The following TTC39C variants were observed in gnomAD, a reference collection of about 807,000 sequenced individuals.
TTC39C encodes tetratricopeptide repeat protein 39C.
A neutral mutation model predicts 76.3 loss-of-function variants in TTC39C; 33 were observed. That is an observed-to-expected ratio of 0.43 (90% CI 0.33 to 0.58). The LOEUF is 0.58. Among genes scored for constraint, TTC39C ranks in the 20% least tolerant of loss-of-function variants. The pLI, the probability that TTC39C is intolerant of heterozygous loss-of-function variation, is 0.04. For missense variants in TTC39C, 595 were observed against 701.4 expected (o/e 0.85, Z 1.71); for synonymous variants, 254 against 260.6 (o/e 0.97, Z 0.24).
chr18:24,124,049 T>G (rs890434116), intron 9 of TTC39C, 106 bp downstream of exon 9: 13 of 768,646 alleles, frequency 1.7e-5, no homozygotes, highest in Non-Finnish European at 2.7e-5. Flanking sequence ...CCTATTTACT[T>G]GCCACATAAA....
chr18:23,998,120 C>T (rs2083283898), intron 1 of TTC39C, among the ~76,000 whole-genome samples: 1 of 152,148 alleles, frequency 6.6e-6, no homozygotes, highest in African/African-American at 2.4e-5. Context: ...TCCTCTTGTT[C>T]TTATAACAAG....
At chr18:24,039,814 G>T (rs2083770764) in intron 1 of TTC39C, among the ~76,000 whole-genome samples, 1 of 152,210 alleles carries the variant, frequency 6.6e-6, no homozygotes, top group South Asian at 2.1e-4. Context: ...GGTAGATTCA[G>T]CAGGACTCCT....
At chr18:24,025,026 A>T (rs1329163679) in intron 1 of TTC39C, among the ~76,000 whole-genome samples, 1 of 151,956 alleles carries the variant, frequency 6.6e-6, no homozygotes, top group African/African-American at 2.4e-5. Flanking sequence ...GTGCCGCCAC[A>T]CCCGGCTAAT....
intron 12 of TTC39C, among the ~76,000 whole-genome samples, chr18:24,130,986 C>T (rs2145833275): frequency 1.0e-5 from 1 of 97,768 alleles, no homozygotes; most frequent in African/African-American, 3.8e-5. Context: ...AAGTTCAAAA[C>T]CAACCTGGGC....
intron 1 of TTC39C, among the ~76,000 whole-genome samples, chr18:24,030,318 C>G (rs1222239859): frequency 2.0e-5 from 3 of 152,152 alleles, no homozygotes; most frequent in South Asian, 2.1e-4. Flanking sequence ...ATATTTGATA[C>G]ACATTAATGA....
At chr18:24,131,751 C>A in intron 12 of TTC39C, 131 bp from the exon 13 acceptor site, 2 of 653,838 alleles carry the variant, frequency 3.1e-6, no homozygotes, top group Non-Finnish European at 5.2e-6. Context: ...AGTCATTATA[C>A]TTGAATGAAC....
At chr18:24,061,071 A>C (rs2084092751) in intron 1 of TTC39C, among the ~76,000 whole-genome samples, 1 of 152,158 alleles carries the variant, frequency 6.6e-6, no homozygotes, top group Admixed American at 6.5e-5. Flanking sequence ...TTCCAAAATG[A>C]AATCTATAAA....
At chr18:24,019,842 C>G in intron 1 of TTC39C, 1 of 1,523,138 alleles carries the variant, frequency 6.6e-7, no homozygotes, top group Non-Finnish European at 8.8e-7. Flanking sequence ...AAAATATCTA[C>G]TCTCTGGCCT....
chr18:24,124,187 G>T, intron 9 of TTC39C: 1 of 304,366 alleles, frequency 3.3e-6, no homozygotes, highest in Non-Finnish European at 5.9e-6. Context: ...CAGATACAGG[G>T]CCTCAAAAAA....
In TTC39C at chr18:24,132,640, A is replaced by G; in HGVS notation, c.*66A>G. Reference sequence around the variant, plus strand: ...CCGCACTTTAAAATAAAAGCAGAGGACAAAGCTCTTGTGAAGATGGGCTTT... The same window carrying G: ...CCGCACTTTAAAATAAAAGCAGAGGGCAAAGCTCTTGTGAAGATGGGCTTT... On this transcript the variant is annotated 3_prime_UTR_variant, in exon 14 of 14. Coordinates refer to ENST00000317571, the MANE Select transcript of TTC39C (RefSeq NM_001135993.2). The G allele has an allele frequency of 4.3e-6, 6 of 1,394,438 alleles. No homozygotes were observed. Among genetic ancestry groups the G allele is most frequent in the Non-Finnish European group, 6.0e-6 (6 of 1,006,338 alleles). 86.4% of individuals were successfully genotyped at this position (1,394,438 alleles called of 1,614,324 possible). A position where few individuals can be genotyped will look rare whatever the true frequency, so the allele number is the denominator to read the frequency against.
intron 1 of TTC39C, chr18:24,020,018 T>C (rs1403984419): frequency 7.1e-7 from 1 of 1,415,444 alleles, no homozygotes; most frequent in African/African-American, 1.5e-5. Flanking sequence ...CTGTCCATGA[T>C]TTCTAGACAA....
At chr18:24,106,104 A>G (rs2084742463) in intron 6 of TTC39C, among the ~76,000 whole-genome samples, 2 of 152,216 alleles carry the variant, frequency 1.3e-5, no homozygotes, top group South Asian at 4.1e-4. Flanking sequence ...AGCTCATCAC[A>G]TCTTCAACAA....
intron 1 of TTC39C, among the ~76,000 whole-genome samples, chr18:24,021,603 T>C (rs1471864693): frequency 1.4e-5 from 2 of 143,564 alleles, no homozygotes; most frequent in Admixed American, 1.5e-4. Context: ...TAGAGTGCAA[T>C]GGCACGATCT....
At chr18:24,072,228 C>T (rs2084249417) in intron 4 of TTC39C, among the ~76,000 whole-genome samples, 1 of 151,024 alleles carries the variant, frequency 6.6e-6, no homozygotes, top group African/African-American at 2.4e-5. Flanking sequence ...ACTGAGGGGC[C>T]AGGGGCACAC....
intron 6 of TTC39C, among the ~76,000 whole-genome samples, chr18:24,104,688 T>TTTTG (rs1555776537): frequency 6.9e-6 from 1 of 144,738 alleles, no homozygotes; most frequent in Non-Finnish European, 1.5e-5. Flanking sequence ...AGCAGGGTGT[T>TTTTG]TGTGTGTGTG....
rs113419977 is a variant in TTC39C, at chr18:24,024,274, G to T, written c.167+9236G>T. Among the ~76,000 whole-genome samples the T allele has an allele frequency of 7.6e-3, 1,146 of 151,408 alleles. 11 individuals carry two copies. The highest frequency in any genetic ancestry group is 0.027 in the African/African-American group (1,113 of 41,260). On this transcript the variant is annotated intron_variant, in intron 1 of 13. Coordinates refer to ENST00000317571, the MANE Select transcript of TTC39C (RefSeq NM_001135993.2). ...GATCTGCCTGCCTCAGCCTCCCAAAGTGCTGGGATTACAGGCATGAGCCAC... is the reference window on the plus strand; with the variant it reads ...GATCTGCCTGCCTCAGCCTCCCAAATTGCTGGGATTACAGGCATGAGCCAC...
At chr18:24,128,432 A>T (rs1315605031) in intron 10 of TTC39C, among the ~76,000 whole-genome samples, 1 of 149,426 alleles carries the variant, frequency 6.7e-6, no homozygotes, top group Non-Finnish European at 1.5e-5. Flanking sequence ...TAAAATATAA[A>T]TATGTATATA....
intron 6 of TTC39C, among the ~76,000 whole-genome samples, chr18:24,108,290 G>A (rs189242550): frequency 6.6e-6 from 1 of 152,316 alleles, no homozygotes; most frequent in Non-Finnish European, 1.5e-5. Context: ...TGATTTGGAG[G>A]TGGCACAAAA....
chr18:24,052,011 AATATC>A, intron 1 of TTC39C, among the ~76,000 whole-genome samples: 1 of 152,342 alleles, frequency 6.6e-6, no homozygotes, highest in South Asian at 2.1e-4. Flanking sequence ...TAATGACACA[AATATC>A]AAATAGTAAT....
Sources: allele counts gnomAD v4.1 joint callset (sites outside exome capture counted in the v4.1 genomes callset), GRCh38; gene constraint gnomAD v4.1.1; transcripts MANE v1.5; gene names NCBI Gene and HGNC (gene_info 2026-07-23, HGNC 2026-07-21).